The following ZNF416 variants were observed in gnomAD, a reference collection of about 807,000 sequenced individuals.
ZNF416 encodes the protein zinc finger protein 416.
A neutral mutation model predicts 10.9 loss-of-function variants in ZNF416; 5 were observed. The ratio of observed to expected loss-of-function variants is 0.46; its 90% CI spans 0.24 to 0.97. ZNF416 has a LOEUF of 0.97. Among genes scored for constraint, ZNF416 ranks in the 50% least tolerant of loss-of-function variants. ZNF416 has a pLI of 0.19. For missense variants in ZNF416, 675 were observed against 715.0 expected (o/e 0.94, Z 0.64); for synonymous variants, 267 against 251.8 (o/e 1.06, Z -0.57).
rs141508737 is a variant in ZNF416, at chr19:57,573,337, C to T, written c.567G>A (p.Pro189=). The T allele has an allele frequency of 8.9e-4, 1,443 of 1,614,246 alleles. 1 individual carries two copies. Among genetic ancestry groups the T allele is most frequent in the Non-Finnish European group, 1.1e-3 (1,260 of 1,180,038 alleles). The part of the protein sequence containing the change: ...DFLAPLGILQ[P]QAIANYEKPN... ...GCTTCTCATAGTTAGCAATAGCTTG[C>T]GGCTGAAGAATGCCCAATGGGGCTA... is the stretch of plus-strand genomic sequence containing the variant. The change falls in exon 4 of 4, where the codon CCG becomes CCA. Residue 189 remains proline, a synonymous_variant. Transcript: ENST00000196489.
In ZNF416 at chr19:57,571,986, G is replaced by C; in HGVS notation, c.*133C>G. ...CTAATGGGAGTCTGACCCATCGGGAGGTCTAGAAGTATGAGGTTTAACTTT... is the reference window on the plus strand; with the variant it reads ...CTAATGGGAGTCTGACCCATCGGGACGTCTAGAAGTATGAGGTTTAACTTT... On this transcript the variant is annotated 3_prime_UTR_variant, in exon 4 of 4. Transcript: ENST00000196489. The C allele has an allele frequency of 8.6e-7, 1 of 1,160,142 alleles. No individual in the cohort carries two copies. Among genetic ancestry groups the C allele is most frequent in the South Asian group, 1.5e-5 (1 of 65,078 alleles). 71.9% of individuals were successfully genotyped at this position (1,160,142 alleles called of 1,614,324 possible). A position where few individuals can be genotyped will look rare whatever the true frequency, so the allele number is the denominator to read the frequency against.
intron 2 of ZNF416, among the ~76,000 whole-genome samples, chr19:57,577,194 A>G (rs868473227): frequency 2.1e-4 from 32 of 152,226 alleles, no homozygotes; most frequent in Admixed American, 1.9e-3. Context: ...AGGATAAACT[A>G]TCCACTTCAT....
chr19:57,576,281 T>C (rs1473286388), intron 2 of ZNF416, among the ~76,000 whole-genome samples: 1 of 152,154 alleles, frequency 6.6e-6, no homozygotes, highest in Non-Finnish European at 1.5e-5. Context: ...CTCAATGCCA[T>C]GGCCATGGGT....
In ZNF416 at chr19:57,573,488, T is replaced by A; in HGVS notation, c.416A>T (p.Asp139Val). ...LTGACAVFHQ[D>V]QKHHSAEKPL... The stretch of plus-strand genomic sequence containing the variant: ...TTTCTCTGCACTATGATGCTTCTGG[T>A]CCTGGTGAAAGACCGCACATGCCCC... Residue 139 changes from aspartate to valine, a missense_variant, in exon 4 of 4, where the codon GAC (aspartate) becomes GTC (valine). Coordinates refer to ENST00000196489, the MANE Select transcript of ZNF416 (RefSeq NM_017879.3). 6.2e-7 allele frequency: 1 copy of A among 1,614,188 alleles called. No homozygotes were observed. Among genetic ancestry groups the A allele is most frequent in the Non-Finnish European group, 8.5e-7 (1 of 1,180,038 alleles).
At chr19:57,577,482 A>G (rs1029634027) in intron 2 of ZNF416, among the ~76,000 whole-genome samples, 6 of 152,088 alleles carry the variant, frequency 3.9e-5, no homozygotes, top group Non-Finnish European at 8.8e-5. Flanking sequence ...AAACTGATCT[A>G]AAATCCAACT....
intron 2 of ZNF416, among the ~76,000 whole-genome samples, chr19:57,576,624 C>T (rs1283816677): frequency 3.9e-5 from 6 of 151,938 alleles, no homozygotes; most frequent in African/African-American, 7.3e-5. Flanking sequence ...CTTGCACTAG[C>T]GCTGCACTTG....
intron 3 of ZNF416, among the ~76,000 whole-genome samples, chr19:57,574,784 C>G (rs1978469946): frequency 2.6e-5 from 4 of 152,142 alleles, no homozygotes; most frequent in Admixed American, 2.6e-4. Flanking sequence ...AAGATCTTGT[C>G]AGCTGGTGGC....
chr19:57,573,031 G>C lies in ZNF416; in HGVS notation c.873C>G (p.Ile291Met), dbSNP rs1286081629. 6 of 1,613,860 alleles carry C rather than the reference G, an allele frequency of 3.7e-6. No homozygotes were observed. Among genetic ancestry groups the C allele is most frequent in the Non-Finnish European group, 5.1e-6 (6 of 1,179,974 alleles). ...ACACATAAGGCCTTTCTCCAGTGTG[G>C]ATTCTCCGATGATCATTCAGATGAG... is the stretch of plus-strand genomic sequence containing the variant. ...QTSHLNDHRRIHTGERPYVCG... is the reference protein window; with the variant it reads ...QTSHLNDHRRMHTGERPYVCG... Residue 291 changes from isoleucine to methionine, a missense_variant, in exon 4 of 4, where the codon ATC becomes ATG. Coordinates refer to ENST00000196489, the MANE Select transcript of ZNF416 (RefSeq NM_017879.3).
Position 57,572,931 on chromosome 19 carries a change from G to A in ZNF416, c.973C>T (p.Pro325Ser). The A allele has an allele frequency of 6.2e-7, 1 of 1,614,136 alleles. No individual in the cohort carries two copies. The highest frequency in any genetic ancestry group is 8.5e-7 in the Non-Finnish European group (1 of 1,180,020). Residue 325 changes from proline (P) to serine (S), a missense_variant, in exon 4 of 4, where the codon CCT becomes TCT. Transcript: ENST00000196489. The surrounding 1 kb of genome is among the most constrained non-coding windows in gnomAD (Gnocchi z 4.5). ...TTCCCACATTCACCACACTCGTAAG[G>A]CCTTTCTCCAGTGTGAACTCTGTGA... ...KHHRVHTGER[P>S]YECGECGKSF...
chr19:57,574,508 T>A (rs1164163574), intron 3 of ZNF416, among the ~76,000 whole-genome samples: 2 of 152,256 alleles, frequency 1.3e-5, no homozygotes, highest in Non-Finnish European at 2.9e-5. Flanking sequence ...ATTGGCACTC[T>A]ACTACCTCCA....
At chr19:57,578,319 C>A (rs1978621540) in intron 1 of ZNF416, 2 of 603,002 alleles carry the variant, frequency 3.3e-6, no homozygotes, top group East Asian at 2.8e-5. Context: ...GCTGTTCCAA[C>A]TCTGAGTAAC....
rs956026626 is a variant in ZNF416 at position 57,573,821 on chromosome 19, A to C, written c.203-120T>G. ...ACATCTTAAAAACTTTGCTGGCCTG[A>C]GCTCAGGAGTTTGAGACCAGTCTGG... On this transcript the variant is annotated intron_variant, in intron 3 of 3. Coordinates refer to ENST00000196489, the MANE Select transcript of ZNF416 (RefSeq NM_017879.3). 6.8e-6 allele frequency: 9 copies of C among 1,314,348 alleles called. No homozygotes were observed. In the African/African-American group the frequency reaches 1.3e-4, roughly 19 times the overall value. The allele number at this position is 1,314,348 out of a possible 1,614,324, so 81.4% of individuals were successfully genotyped here. A position where few individuals can be genotyped will look rare whatever the true frequency, so the allele number is the denominator to read the frequency against.
Position 57,571,766 on chromosome 19 carries a change from G to A in ZNF416, c.*353C>T, listed in dbSNP as rs1280343700. The A allele has an allele frequency of 1.4e-5, 3 of 213,976 alleles. No homozygotes were observed. Among genetic ancestry groups the A allele is most frequent in the African/African-American group, 2.3e-5 (1 of 44,266 alleles). The allele number at this position is 213,976 out of a possible 1,614,324, so 13.3% of individuals were successfully genotyped here. On this transcript the variant is annotated 3_prime_UTR_variant, in exon 4 of 4. Transcript: ENST00000196489. Reference sequence around the variant, plus strand: ...GGCCAAAACTGGTCAGATGTATGCTGTAATCAGTCAGAAAAGGGAAGGAAT... The same window carrying A: ...GGCCAAAACTGGTCAGATGTATGCTATAATCAGTCAGAAAAGGGAAGGAAT...
At chr19:57,578,119 T>A (rs1386198592) in intron 1 of ZNF416, 21 bp from the exon 2 acceptor site, 1 of 1,614,000 alleles carries the variant, frequency 6.2e-7, no homozygotes, top group Non-Finnish European at 8.5e-7. Flanking sequence ...AGGAAGGCTA[T>A]GAGAGGCAGG....
chr19:57,578,124 G>C (rs1193580618), intron 1 of ZNF416, 26 bp from the exon 2 acceptor site: 1 of 1,613,846 alleles, frequency 6.2e-7, no homozygotes, highest in African/African-American at 1.3e-5. Context: ...GGCTATGAGA[G>C]GCAGGTAACT....
At position 57,572,133 on chromosome 19, in the gene ZNF416, A is replaced by C. The variant is rs1245035230; in HGVS notation, c.1771T>G (p.Ser591Ala). 7 of 1,612,242 alleles carry C rather than the reference A, an allele frequency of 4.3e-6. No individual in the cohort carries two copies. The highest frequency in any genetic ancestry group is 5.9e-6 in the Non-Finnish European group (7 of 1,178,582). ...AGTTTCAAGAGTTAAACAATGTTAG[A>C]TCTTGGGCTGTAGGGTTTTCCACAT... ...SKCGKPYSPR[S>A]NIV The change falls in exon 4 of 4, where the codon TCT (serine) becomes GCT (alanine). Residue 591 changes from serine (S) to alanine (A), a missense_variant. Transcript: ENST00000196489. This position sits in a 1 kb window ranked among gnomAD's most constrained non-coding sequence, Gnocchi z 4.5.
At chr19:57,578,529 T>G in intron 1 of ZNF416, 143 bp downstream of exon 1, 1 of 917,180 alleles carries the variant, frequency 1.1e-6, no homozygotes, top group Non-Finnish European at 1.5e-6. Flanking sequence ...ACACCAGGCT[T>G]GTAAATGGGA....
chr19:57,573,636 G>A lies in ZNF416; in HGVS notation c.268C>T (p.Gln90Ter). 6.2e-7 allele frequency: 1 copy of A among 1,614,222 alleles called. No homozygotes were observed. Among genetic ancestry groups the A allele is most frequent in the Non-Finnish European group, 8.5e-7 (1 of 1,180,040 alleles). ...EQSVSVEGVPQVRTPEASPST... is the reference protein window; with the variant it reads ...EQSVSVEGVP ...GGACTGGCCTCTGGAGTCCTGACCT[G>A]AGGTACTCCTTCTACAGAAACACTT... The change falls in exon 4 of 4, where the codon CAG becomes TAG. Residue 90 changes from glutamine to a stop codon, truncating the protein, a stop_gained. Transcript: ENST00000196489. LOFTEE classifies it low-confidence loss of function (END_TRUNC).
In ZNF416 at chr19:57,575,320, G is replaced by C. The variant is rs1169813994; in HGVS notation, c.202+484C>G. On this transcript the variant is annotated intron_variant, in intron 3 of 3. Transcript: ENST00000196489. The surrounding 1 kb of genome is among the most constrained non-coding windows in gnomAD (Gnocchi z 4.4). ...CAAGTCCTAAGGGAAAGCTGGGACA[G>C]GTGAGTATCCTGCAGTGGCCCAGAG... 6.6e-6 allele frequency among the ~76,000 whole-genome samples: 1 copy of C among 152,216 alleles called. No individual in the cohort carries two copies. The highest frequency in any genetic ancestry group is 1.5e-5 in the Non-Finnish European group (1 of 68,040).
Sources: allele counts gnomAD v4.1 joint callset (sites outside exome capture counted in the v4.1 genomes callset), GRCh38; gene constraint gnomAD v4.1.1; non-coding constraint Gnocchi (gnomAD v3.1); transcripts MANE v1.5; gene names NCBI Gene and HGNC (gene_info 2026-07-23, HGNC 2026-07-21).